The following FRMD5 variants were observed in gnomAD, a reference collection of about 807,000 sequenced individuals.
FRMD5 encodes FERM domain containing 5.
In FRMD5, 20 loss-of-function variants were observed where a neutral mutation model predicts 69.0. The observed-to-expected ratio is 0.29, with a 90% CI of 0.20 to 0.42. FRMD5 has a LOEUF of 0.42. Ranked by LOEUF, FRMD5 falls within the 10% of genes least tolerant of loss-of-function variation. FRMD5 has a pLI of 1.00. For missense variants in FRMD5, 595 were observed against 708.6 expected, an observed-to-expected ratio of 0.84 and a Z score of 1.82; for synonymous variants, 271 against 260.1, an observed-to-expected ratio of 1.04 and a Z score of -0.40.
chr15:44,142,210 T>C (rs565097977), intron 1 of FRMD5, among the ~76,000 whole-genome samples: 5 of 152,314 alleles, frequency 3.3e-5, no homozygotes, highest in African/African-American at 1.2e-4. Flanking sequence ...CACTTAATTA[T>C]ATTAGCAATC....
intron 1 of FRMD5, among the ~76,000 whole-genome samples, chr15:43,945,287 G>C (rs1251020397): frequency 2.2e-4 from 33 of 152,166 alleles, no homozygotes; most frequent in Non-Finnish European, 1.5e-5. Context: ...CTGTGGGAGA[G>C]TTGGTTCAAT....
intron 4 of FRMD5, among the ~76,000 whole-genome samples, chr15:43,913,746 G>T (rs769832508): frequency 6.6e-6 from 1 of 152,206 alleles, no homozygotes; most frequent in Non-Finnish European, 1.5e-5. Flanking sequence ...CAAGGAAATA[G>T]AAGTCCAGAG....
chr15:43,875,643 A>G (rs1198372769), intron 13 of FRMD5, among the ~76,000 whole-genome samples: 1 of 151,012 alleles, frequency 6.6e-6, no homozygotes, highest in Non-Finnish European at 1.5e-5. Context: ...ACACCCAGCT[A>G]ATTTTTTTAT....
At chr15:43,907,237 C>A (rs894209323) in intron 5 of FRMD5, among the ~76,000 whole-genome samples, 3 of 152,192 alleles carry the variant, frequency 2.0e-5, no homozygotes, top group Non-Finnish European at 2.9e-5. Context: ...AGGTGCCCTC[C>A]TCCCATGGCT....
chr15:44,080,881 T>C (rs1192381546), intron 1 of FRMD5, among the ~76,000 whole-genome samples: 1 of 152,110 alleles, frequency 6.6e-6, no homozygotes, highest in Non-Finnish European at 1.5e-5. Context: ...TGGCTAATCA[T>C]TTTGGTTCAT....
rs1009160403 is a variant in FRMD5, at chr15:43,884,917, CTGA to C, written c.960-125_960-123del. ...ATGGCATCTGTGGCCCACCCTTTCC[CTGA>C]TGTTTTGGTCATGGAGAAAGGCTTG... On this transcript the variant is annotated intron_variant, in intron 11 of 13. Transcript: ENST00000417257. 47 of 819,458 alleles carry C rather than the reference CTGA, an allele frequency of 5.7e-5. No individual in the cohort carries two copies. In the African/African-American group the frequency reaches 7.1e-4, roughly 12 times the overall value. 50.8% of individuals were successfully genotyped at this position (819,458 alleles called of 1,614,324 possible).
At chr15:43,979,024 T>C (rs920006282) in intron 1 of FRMD5, among the ~76,000 whole-genome samples, 1 of 152,138 alleles carries the variant, frequency 6.6e-6, no homozygotes, top group Admixed American at 6.5e-5. Flanking sequence ...TTTGGCAATG[T>C]AGAAAATGCT....
At chr15:44,066,530 C>T (rs945454210) in intron 1 of FRMD5, among the ~76,000 whole-genome samples, 4 of 152,102 alleles carry the variant, frequency 2.6e-5, no homozygotes, top group African/African-American at 4.8e-5. Flanking sequence ...AAAGGCATTA[C>T]GCAGGAAACT....
At position 43,957,145 on chromosome 15, in the gene FRMD5, C is replaced by T. The variant is rs1417692278; in HGVS notation, c.103-32836G>A. ...TTAACCTTGTTTACAGATGTGAGAA[C>T]TGAGTGAGGTCATGTGTCACCTATT... On this transcript the variant is annotated intron_variant, in intron 1 of 13. Transcript: ENST00000417257. Among the ~76,000 whole-genome samples the T allele has an allele frequency of 3.3e-5, 5 of 152,204 alleles. No individual in the cohort carries two copies. The East Asian group carries it at 9.7e-4, about 29-fold the overall frequency.
chr15:43,922,744 C>CA (rs2089517518), intron 2 of FRMD5, among the ~76,000 whole-genome samples: 1 of 150,564 alleles, frequency 6.6e-6, no homozygotes, highest in Admixed American at 6.6e-5. Flanking sequence ...GATCTTGGCT[C>CA]ACTGCAACCT....
chr15:43,969,910 T>G (rs1379708347), intron 1 of FRMD5, among the ~76,000 whole-genome samples: 3 of 152,228 alleles, frequency 2.0e-5, no homozygotes, highest in African/African-American at 7.2e-5. Context: ...TTCTGTGTTC[T>G]GGTATAAGCA....
intron 1 of FRMD5, among the ~76,000 whole-genome samples, chr15:43,969,416 C>T (rs1450350679): frequency 6.6e-6 from 1 of 152,162 alleles, no homozygotes; most frequent in East Asian, 1.9e-4. Flanking sequence ...GAGAATTTTA[C>T]AGCCATGCAC....
At chr15:43,925,481 G>A (rs771952188) in intron 1 of FRMD5, among the ~76,000 whole-genome samples, 2 of 152,130 alleles carry the variant, frequency 1.3e-5, no homozygotes, top group Non-Finnish European at 2.9e-5. Context: ...TTTAACTGCT[G>A]CATGTCACTG....
intron 1 of FRMD5, among the ~76,000 whole-genome samples, chr15:43,996,159 AG>A (rs1265641671): frequency 4.6e-5 from 7 of 150,706 alleles, no homozygotes; most frequent in Non-Finnish European, 8.9e-5. Flanking sequence ...CCTGCAGACT[AG>A]GTCTGCAGGG....
At position 44,150,577 on chromosome 15, in the gene FRMD5, TGAGACCACACTGGGCAACACAGTGA is replaced by T. The variant is rs560429760; in HGVS notation, c.102+44351_102+44375del. ...GGAAGATCGTTTAAGCCCAAGAGTT[TGAGACCACACTGGGCAACACAGTGA>T]GAGACCCTGTCTCTACAAAATTCTT... On this transcript the variant is annotated intron_variant, in intron 1 of 13. Transcript: ENST00000417257. Among the ~76,000 whole-genome samples the T allele has an allele frequency of 2.7e-3, 403 of 151,736 alleles. 3 individuals carry two copies. The highest frequency in any genetic ancestry group is 0.011 in the Admixed American group (171 of 15,230).
intron 1 of FRMD5, among the ~76,000 whole-genome samples, chr15:43,934,053 C>T (rs544137786): frequency 5.3e-5 from 8 of 152,312 alleles, no homozygotes; most frequent in East Asian, 3.9e-4. Context: ...CCTACATCTA[C>T]GCTCCTTGAG....
chr15:44,189,592 A>G (rs990484502), intron 1 of FRMD5, among the ~76,000 whole-genome samples: 1 of 151,504 alleles, frequency 6.6e-6, no homozygotes, highest in African/African-American at 2.4e-5. Context: ...GGGTTCAAGC[A>G]ATTCTCCTGC....
intron 1 of FRMD5, among the ~76,000 whole-genome samples, chr15:44,004,257 T>C (rs1292615897): frequency 6.6e-6 from 1 of 152,236 alleles, no homozygotes; most frequent in African/African-American, 2.4e-5. Context: ...ATGCCATAGT[T>C]TTTATTTAAC....
intron 1 of FRMD5, among the ~76,000 whole-genome samples, chr15:43,956,652 T>G (rs1490118510): frequency 3.9e-5 from 6 of 152,222 alleles, no homozygotes; most frequent in African/African-American, 1.4e-4. Flanking sequence ...ATTGCCTATA[T>G]TAGTGTTTCT....
Sources: gnomAD v4.1 joint callset for allele counts (sites outside exome capture counted in the v4.1 genomes callset) on GRCh38, gnomAD v4.1.1 for gene constraint, MANE v1.5 for transcripts, NCBI Gene and HGNC (gene_info 2026-07-23, HGNC 2026-07-21) for gene names.